Variants in RUVBL1 observed in about 807,000 individuals in gnomAD.
The protein encoded by RUVBL1 is ruvB-like 1.
A neutral mutation model predicts 52.4 loss-of-function variants in RUVBL1; 4 were observed. The observed-to-expected ratio is 0.08, with a 90% confidence interval of 0.04 to 0.17. RUVBL1 has a LOEUF of 0.17. Among genes scored for constraint, RUVBL1 ranks in the 10% least tolerant of loss-of-function variants. RUVBL1 has a pLI of 1.00. For synonymous variants in RUVBL1, 217 were observed against 214.4 expected (o/e 1.01, Z -0.10); for missense variants, 298 against 572.8 (o/e 0.52, Z 4.90).
upstream of RUVBL1, among the ~76,000 whole-genome samples, chr3:128,124,989 C>G (rs929873703): frequency 6.8e-6 from 1 of 148,008 alleles, no homozygotes; most frequent in Non-Finnish European, 1.5e-5. Flanking sequence ...ACAGTAGTTC[C>G]ACAGTCTCAC....
intron 1 of RUVBL1, among the ~76,000 whole-genome samples, chr3:128,145,199 T>C (rs983337498): frequency 2.0e-5 from 3 of 152,218 alleles, no homozygotes; most frequent in African/African-American, 7.2e-5. Flanking sequence ...CTAAGTGCTA[T>C]AGACATACCA....
intron 4 of RUVBL1, among the ~76,000 whole-genome samples, chr3:128,102,647 G>A (rs906766604): frequency 6.6e-6 from 1 of 152,250 alleles, no homozygotes; most frequent in Non-Finnish European, 1.5e-5. Context: ...GAAGGCAACC[G>A]AAAGTAGATT....
At chr3:128,124,791 G>A (rs1430083367), upstream of RUVBL1, among the ~76,000 whole-genome samples, 1 of 152,156 alleles carries the variant, frequency 6.6e-6, no homozygotes, top group Non-Finnish European at 1.5e-5. Flanking sequence ...GGAGAGCCAG[G>A]GAAGGCATCA....
At chr3:128,140,576 C>A (rs184192033) in intron 1 of RUVBL1, among the ~76,000 whole-genome samples, 20 of 152,212 alleles carry the variant, frequency 1.3e-4, no homozygotes, top group Admixed American at 3.9e-4. Context: ...ATAGTGAGAA[C>A]ACTATTGCCT....
chr3:128,150,368 G>A (rs1944167662), intron 1 of RUVBL1, among the ~76,000 whole-genome samples: 1 of 151,522 alleles, frequency 6.6e-6, no homozygotes, highest in Non-Finnish European at 1.5e-5. Flanking sequence ...CCTAAGCCCA[G>A]GCTACAGACT....
In RUVBL1 at chr3:128,098,871, G is replaced by A; in HGVS notation, c.817+11C>T. ...CTGCCCCTTGCTCACAGGGCACACT[G>A]GTTCTCCTACCTGTGATTTCTGTCT... is the stretch of plus-strand genomic sequence containing the variant. On this transcript the variant is annotated intron_variant, in intron 7 of 10. Transcript: ENST00000322623. 1 of 1,613,442 alleles carries A rather than the reference G, an allele frequency of 6.2e-7. No homozygotes were observed. Among genetic ancestry groups the A allele is most frequent in the Non-Finnish European group, 8.5e-7 (1 of 1,179,500 alleles).
At chr3:128,145,689 G>T (rs1236067955) in intron 1 of RUVBL1, among the ~76,000 whole-genome samples, 2 of 152,214 alleles carry the variant, frequency 1.3e-5, no homozygotes, top group Admixed American at 6.5e-5. Context: ...ATCCACAGGT[G>T]ACAGTGATAA....
At chr3:128,095,311 C>T (rs1297721881) in intron 8 of RUVBL1, among the ~76,000 whole-genome samples, 2 of 152,232 alleles carry the variant, frequency 1.3e-5, no homozygotes, top group Admixed American at 1.3e-4. Flanking sequence ...TAGCAGAGCT[C>T]CCCAGCAGGG....
chr3:128,112,790 G>T (rs148967441), intron 3 of RUVBL1, 98 bp downstream of exon 3: 2 of 1,345,966 alleles, frequency 1.5e-6, no homozygotes. Flanking sequence ...GCAGTGCCAC[G>T]AATACCAGTC....
In RUVBL1 at chr3:128,069,578, C is replaced by T. The variant is rs368448134; in HGVS notation, c.940-4358G>A. The T allele has an allele frequency of 6.9e-5, 111 of 1,614,096 alleles. 2 individuals are homozygous for T. In the South Asian group the frequency reaches 1.1e-3, roughly 15 times the overall value. ...TTGGGTCTGGAACCGGGATCCTGCT[C>T]GCAGTCACAATCATCTACCAGTACT... is the stretch of plus-strand genomic sequence containing the variant. On this transcript the variant is annotated intron_variant, in intron 9 of 9. Transcript: ENST00000464873.
At chr3:128,095,474 G>A (rs1214125112) in intron 8 of RUVBL1, among the ~76,000 whole-genome samples, 7 of 152,268 alleles carry the variant, frequency 4.6e-5, no homozygotes, top group Non-Finnish European at 1.0e-4. Context: ...AGCTGCCCAA[G>A]TAGCCATGCT....
chr3:128,099,349 G>A (rs895854351), intron 6 of RUVBL1, among the ~76,000 whole-genome samples: 13 of 152,188 alleles, frequency 8.5e-5, no homozygotes, highest in African/African-American at 3.1e-4. Context: ...TAAAGTTCAC[G>A]TCAAATGCCC....
chr3:128,073,743 G>A (rs1343856533), intron 9 of RUVBL1, among the ~76,000 whole-genome samples: 2 of 152,240 alleles, frequency 1.3e-5, no homozygotes, highest in African/African-American at 4.8e-5. Context: ...GTTCTGCAGT[G>A]TCTGTCAAAC....
At chr3:128,098,843 G>A (rs762246231) in intron 7 of RUVBL1, 39 bp downstream of exon 7, 6 of 1,587,068 alleles carry the variant, frequency 3.8e-6, no homozygotes, top group South Asian at 3.3e-5. Context: ...GGGGCCCTCC[G>A]CCCTGCCCCT....
chr3:128,135,652 G>C (rs1576486414), intron 1 of RUVBL1, among the ~76,000 whole-genome samples: 1 of 152,192 alleles, frequency 6.6e-6, no homozygotes, highest in South Asian at 2.1e-4. Flanking sequence ...AGACAAACAA[G>C]GGCTGAGGGA....
At chr3:128,126,203 G>T (rs1284008550), upstream of RUVBL1, among the ~76,000 whole-genome samples, 1 of 6,672 alleles carries the variant, frequency 1.5e-4, no homozygotes, top group Non-Finnish European at 4.7e-4. Context: ...TTGTTCCTTT[G>T]TGTGTGTGTG....
downstream of RUVBL1, among the ~76,000 whole-genome samples, chr3:128,077,543 G>A (rs1218209760): frequency 6.6e-6 from 1 of 152,228 alleles, no homozygotes; most frequent in East Asian, 1.9e-4. Context: ...CACCAGCACT[G>A]GCTGGGACAA....
intron 8 of RUVBL1, among the ~76,000 whole-genome samples, chr3:128,092,659 T>C (rs573640488): frequency 6.6e-6 from 1 of 152,298 alleles, no homozygotes; most frequent in Non-Finnish European, 1.5e-5. Flanking sequence ...GAGATATTAC[T>C]TCATTACCCA....
In RUVBL1 at chr3:128,112,790, G is replaced by A. The variant is rs148967441; in HGVS notation, c.361+98C>T. On this transcript the variant is annotated intron_variant, in intron 3 of 10. Coordinates refer to ENST00000322623, the MANE Select transcript of RUVBL1 (RefSeq NM_003707.3). ...GCCAAAAGAAAAACAGCAGTGCCAC[G>A]AATACCAGTCATAAAGGCATCTTCA... The A allele has an allele frequency of 3.8e-4, 507 of 1,346,088 alleles. 1 individual carries two copies. The African/African-American group carries it at 6.1e-3, about 16-fold the overall frequency. The allele number at this position is 1,346,088 out of a possible 1,614,324, so 83.4% of individuals were successfully genotyped here. A position where few individuals can be genotyped will look rare whatever the true frequency, so the allele number is the denominator to read the frequency against.
Sources: allele counts gnomAD v4.1 joint callset (sites outside exome capture counted in the v4.1 genomes callset), GRCh38; gene constraint gnomAD v4.1.1; transcripts MANE v1.5; gene names NCBI Gene and HGNC (gene_info 2026-07-23, HGNC 2026-07-21).